ITGA9: variants seen among roughly 807,000 people sequenced by gnomAD.
ITGA9 encodes the protein integrin alpha-9.
ITGA9 carries 56 observed loss-of-function variants against 127.8 expected under a neutral mutation model. That is an observed-to-expected ratio of 0.44 (90% CI 0.35 to 0.55). The LOEUF is 0.55. Among genes scored for constraint, ITGA9 ranks in the 20% least tolerant of loss-of-function variants. The pLI is 0.00. For synonymous variants in ITGA9, 508 were observed against 514.5 expected (o/e 0.99, Z 0.17); for missense variants, 1,196 against 1,347.1 (o/e 0.89, Z 1.76).
chr3:37,576,862 G>T (rs529240899), intron 15 of ITGA9, among the ~76,000 whole-genome samples: 26 of 152,346 alleles, frequency 1.7e-4, no homozygotes, highest in Non-Finnish European at 3.2e-4. Context: ...GCCTCCCAAA[G>T]TGCTGGGATT....
chr3:37,667,704 G>A (rs1700599210), intron 17 of ITGA9, among the ~76,000 whole-genome samples: 1 of 152,202 alleles, frequency 6.6e-6, no homozygotes, highest in Admixed American at 6.5e-5. Context: ...CTTCCAGGTT[G>A]GGGGATTTTA....
intron 14 of ITGA9, among the ~76,000 whole-genome samples, chr3:37,541,376 C>T (rs2559894): frequency 0.15 from 22,841 of 152,096 alleles, 2,153 homozygotes; most frequent in Non-Finnish European, 0.22. Context: ...AAAAGGGTTA[C>T]GGAGGGGATG....
Position 37,503,239 on chromosome 3 carries a change from A to T in ITGA9, c.674A>T (p.Asn225Ile), listed in dbSNP as rs1240240598. 1 of 1,614,084 alleles carries T rather than the reference A, an allele frequency of 6.2e-7. No homozygotes were observed. The highest frequency in any genetic ancestry group is 2.2e-5 in the East Asian group (1 of 44,888). Residue 225 changes from asparagine (N) to isoleucine (I), a missense_variant, in exon 6 of 28, where the codon AAC (asparagine) becomes ATC (isoleucine). Transcript: ENST00000264741. ...TGGGCTGGAACCATCAAAGTGCTGA[A>T]CCTTACGGACAACACCTATTTAAAA... ...FYWAGTIKVL[N>I]LTDNTYLKLN...
intron 17 of ITGA9, among the ~76,000 whole-genome samples, 195 bp downstream of exon 17, chr3:37,653,985 G>GT (rs761216203): frequency 4.6e-5 from 7 of 152,196 alleles, no homozygotes; most frequent in South Asian, 2.1e-4. Context: ...GATTGTTTAG[G>GT]TTTTTTTGTG....
chr3:37,492,560 A>G (rs1698684399), intron 4 of ITGA9, among the ~76,000 whole-genome samples: 1 of 152,202 alleles, frequency 6.6e-6, no homozygotes, highest in East Asian at 1.9e-4. Context: ...GGAGGCACTG[A>G]AGTTCTCAAA....
chr3:37,629,434 C>T lies in ITGA9; in HGVS notation c.1839+98C>T, dbSNP rs1370156386. On this transcript the variant is annotated intron_variant, in intron 16 of 27. Coordinates refer to ENST00000264741, the MANE Select transcript of ITGA9 (RefSeq NM_002207.3). The surrounding 1 kb of genome is among the most constrained non-coding windows in gnomAD (Gnocchi z 4.5). ...TGAGAGAGCCGTGGGCCTGGCTGCT[C>T]AGGAGACCGCAGCCAGGACACACCT... 1.5e-6 allele frequency: 2 copies of T among 1,302,512 alleles called. No homozygotes were observed. Among genetic ancestry groups the T allele is most frequent in the East Asian group, 2.5e-5 (1 of 40,692 alleles). The allele number at this position is 1,302,512 out of a possible 1,614,324, so 80.7% of individuals were successfully genotyped here. A position where few individuals can be genotyped will look rare whatever the true frequency, so the allele number is the denominator to read the frequency against.
intron 15 of ITGA9, among the ~76,000 whole-genome samples, chr3:37,609,099 G>A (rs757067585): frequency 1.9e-4 from 29 of 152,168 alleles, no homozygotes; most frequent in Non-Finnish European, 3.7e-4. Flanking sequence ...ATTGTCCTCT[G>A]TCTGCCCTGC....
intron 23 of ITGA9, among the ~76,000 whole-genome samples, chr3:37,754,810 G>A (rs144023638): frequency 5.7e-4 from 86 of 152,196 alleles, no homozygotes; most frequent in African/African-American, 2.0e-3. Context: ...CATGATGTAC[G>A]ATGGGTATCC....
intron 5 of ITGA9, among the ~76,000 whole-genome samples, chr3:37,497,944 G>A (rs1448487652): frequency 2.0e-5 from 3 of 152,220 alleles, no homozygotes; most frequent in African/African-American, 7.2e-5. Context: ...GATGTGGTAG[G>A]AGGCCGTGAA....
chr3:37,512,120 C>CCTTCCTTCTTTTCTTTTCT (rs1698929069), intron 8 of ITGA9, among the ~76,000 whole-genome samples: 1 of 39,466 alleles, frequency 2.5e-5, no homozygotes, highest in Non-Finnish European at 4.7e-5. Context: ...TTCCTTCCTT[C>CCTTCCTTCTTTTCTTTTCT]TTTCTTTTCT....
Position 37,464,116 on chromosome 3 carries a change from A to AGTGTGT in ITGA9, c.186-6860_186-6855dup, listed in dbSNP as rs10603611. ...GGTAGATTTCCTCACAGAAGGTGTG[A>AGTGTGT]GTGTGTGTGTGTGTGTGTGTGTGTG... On this transcript the variant is annotated intron_variant, in intron 1 of 27. Transcript: ENST00000264741. Among the ~76,000 whole-genome samples, 928 of 144,266 alleles carry AGTGTGT rather than the reference A, an allele frequency of 6.4e-3. 7 individuals are homozygous for AGTGTGT. Among genetic ancestry groups the AGTGTGT allele is most frequent in the South Asian group, 8.3e-3 (36 of 4,354 alleles). The allele number at this position is 144,266 out of a possible 152,430, so 94.6% of individuals were successfully genotyped here.
chr3:37,690,821 A>T (rs1700824557), intron 18 of ITGA9, among the ~76,000 whole-genome samples: 1 of 152,174 alleles, frequency 6.6e-6, no homozygotes, highest in South Asian at 2.1e-4. Flanking sequence ...GCAAGAAATA[A>T]TGGTAGGGGG....
intron 3 of ITGA9, among the ~76,000 whole-genome samples, chr3:37,473,765 A>C: frequency 6.6e-6 from 1 of 152,216 alleles, no homozygotes; most frequent in Non-Finnish European, 1.5e-5. Context: ...TTTACAGTAC[A>C]CAAATCTTAA....
At chr3:37,658,048 G>A (rs562311575) in intron 17 of ITGA9, among the ~76,000 whole-genome samples, 1 of 152,270 alleles carries the variant, frequency 6.6e-6, no homozygotes, top group Admixed American at 6.5e-5. Flanking sequence ...TTTCACTGTG[G>A]TCTGAGAGAC....
At chr3:37,563,869 C>T (rs757130374) in intron 15 of ITGA9, among the ~76,000 whole-genome samples, 12 of 152,296 alleles carry the variant, frequency 7.9e-5, no homozygotes, top group South Asian at 2.1e-4. Flanking sequence ...TCCAGCTGAT[C>T]ATTTTTATGG....
chr3:37,819,098 G>C lies in ITGA9; in HGVS notation c.*109G>C, dbSNP rs1381291499. On this transcript the variant is annotated 3_prime_UTR_variant, in exon 28 of 28. Transcript: ENST00000264741. ...CTCCAGATTTTTCGGAGGCCCCACT[G>C]ATGCTGTTCTCTTCTTCATTCTATC... 7 of 834,168 alleles carry C rather than the reference G, an allele frequency of 8.4e-6. No homozygotes were observed. Among genetic ancestry groups the C allele is most frequent in the African/African-American group, 1.7e-5 (1 of 59,212 alleles). 51.7% of individuals were successfully genotyped at this position (834,168 alleles called of 1,614,324 possible). A position where few individuals can be genotyped will look rare whatever the true frequency, so the allele number is the denominator to read the frequency against.
At chr3:37,515,107 C>G (rs956911413) in intron 9 of ITGA9, among the ~76,000 whole-genome samples, 1 of 152,052 alleles carries the variant, frequency 6.6e-6, no homozygotes, top group Non-Finnish European at 1.5e-5. Context: ...ATTCTGGTGC[C>G]GCCTACCTTT....
At chr3:37,486,073 G>A (rs1457150228) in intron 4 of ITGA9, among the ~76,000 whole-genome samples, 1 of 152,220 alleles carries the variant, frequency 6.6e-6, no homozygotes, top group Admixed American at 6.5e-5. Flanking sequence ...GTCAATGCAT[G>A]TGATAAAATC....
chr3:37,784,865 T>G (rs763694625), intron 25 of ITGA9, 112 bp from the exon 26 acceptor site: 1 of 835,396 alleles, frequency 1.2e-6, no homozygotes, highest in Non-Finnish European at 2.0e-6. Flanking sequence ...AATGATAAAA[T>G]TTTTGTCTGG....
Sources: gnomAD v4.1 joint callset for allele counts (sites outside exome capture counted in the v4.1 genomes callset) on GRCh38, gnomAD v4.1.1 for gene constraint, Gnocchi (gnomAD v3.1) non-coding constraint, MANE v1.5 for transcripts, NCBI Gene and HGNC (gene_info 2026-07-23, HGNC 2026-07-21) for gene names.